The following SLC9A9 variants were observed in gnomAD, a reference collection of about 807,000 sequenced individuals.
SLC9A9 encodes solute carrier family 9 member A9.
SLC9A9 carries 62 observed loss-of-function variants against 77.8 expected under a neutral mutation model. The observed-to-expected ratio is 0.80, with a 90% confidence interval of 0.65 to 0.98. The LOEUF (loss-of-function observed/expected upper bound fraction) is 0.98. Ranked by LOEUF, SLC9A9 falls within the 50% of genes least tolerant of loss-of-function variation. SLC9A9 has a pLI of 0.00. For missense variants in SLC9A9, 775 were observed against 774.9 expected (o/e 1.00, Z 0.00); for synonymous variants, 320 against 283.5 (o/e 1.13, Z -1.29).
At chr3:143,439,104 G>C (rs2034677889) in intron 12 of SLC9A9, among the ~76,000 whole-genome samples, 2 of 152,190 alleles carry the variant, frequency 1.3e-5, no homozygotes, top group Admixed American at 6.5e-5. Context: ...AGCTTACTAA[G>C]AGTGACAGCC....
intron 4 of SLC9A9, among the ~76,000 whole-genome samples, chr3:143,755,894 T>C (rs1216003548): frequency 6.6e-6 from 1 of 152,140 alleles, no homozygotes; most frequent in Non-Finnish European, 1.5e-5. Flanking sequence ...AGAATTATGT[T>C]GGCAATCAAA....
chr3:143,582,880 C>G (rs1212833231), intron 6 of SLC9A9, among the ~76,000 whole-genome samples: 1 of 152,142 alleles, frequency 6.6e-6, no homozygotes, highest in Admixed American at 6.5e-5. Flanking sequence ...GGCAGGGTGG[C>G]TCGCTCCTGT....
chr3:143,583,958 G>A (rs941928548), intron 6 of SLC9A9, among the ~76,000 whole-genome samples: 3 of 152,122 alleles, frequency 2.0e-5, no homozygotes, highest in African/African-American at 7.2e-5. Flanking sequence ...ATAGTAAAGT[G>A]CTCAATAAAT....
chr3:143,724,417 C>G (rs182245654), intron 4 of SLC9A9, among the ~76,000 whole-genome samples: 19 of 152,310 alleles, frequency 1.2e-4, no homozygotes, highest in African/African-American at 4.3e-4. Flanking sequence ...TACCCAGTCT[C>G]AGGTAGTTCT....
intron 5 of SLC9A9, among the ~76,000 whole-genome samples, chr3:143,665,794 T>A (rs542350368): frequency 6.6e-6 from 1 of 152,232 alleles, no homozygotes; most frequent in East Asian, 1.9e-4. Context: ...AGAAGTTGAA[T>A]CCATGAATAG....
intron 6 of SLC9A9, among the ~76,000 whole-genome samples, chr3:143,580,932 A>C (rs1428814462): frequency 6.6e-6 from 1 of 152,264 alleles, no homozygotes; most frequent in East Asian, 1.9e-4. Flanking sequence ...AGTGGGAGGC[A>C]GGCAGGGAAG....
At chr3:143,562,206 A>C (rs913704402) in intron 8 of SLC9A9, among the ~76,000 whole-genome samples, 1 of 152,190 alleles carries the variant, frequency 6.6e-6, no homozygotes, top group African/African-American at 2.4e-5. Flanking sequence ...GATATATACA[A>C]AGACATCTAA....
Position 143,693,248 on chromosome 3 carries a change from T to G in SLC9A9, c.593A>C (p.Asp198Ala), listed in dbSNP as rs749434517. Reference sequence around the variant, plus strand: ...AAATAAACAGTCAGTGAAATGAAAGTCTCCATTTTTCAGCTGGCCAGCATG... The same window carrying G: ...AAATAAACAGTCAGTGAAATGAAAGGCTCCATTTTTCAGCTGGCCAGCATG... ...MIHAGQLKNG[D>A]FHFTDCLFFG... The change falls in exon 5 of 16, where the codon GAC becomes GCC. Residue 198 changes from aspartate to alanine, a missense_variant. Transcript: ENST00000316549. The G allele has an allele frequency of 6.2e-7, 1 of 1,613,188 alleles. No homozygotes were observed. Among genetic ancestry groups the G allele is most frequent in the Non-Finnish European group, 8.5e-7 (1 of 1,179,522 alleles).
intron 15 of SLC9A9, among the ~76,000 whole-genome samples, chr3:143,268,592 G>A (rs1307324205): frequency 2.6e-5 from 4 of 151,970 alleles, no homozygotes; most frequent in Non-Finnish European, 4.4e-5. Context: ...AATTAGCTGG[G>A]TGTGGTGGCA....
chr3:143,614,940 G>A (rs147989213), intron 6 of SLC9A9, among the ~76,000 whole-genome samples: 3 of 152,122 alleles, frequency 2.0e-5, no homozygotes, highest in African/African-American at 4.8e-5. Flanking sequence ...CCTTCAGAAT[G>A]CACTGGTCCT....
At chr3:143,507,195 A>G (rs760615257) in intron 9 of SLC9A9, among the ~76,000 whole-genome samples, 17 of 151,526 alleles carry the variant, frequency 1.1e-4, no homozygotes, top group Non-Finnish European at 2.4e-4. Flanking sequence ...CATTATTATT[A>G]TCATTATTAT....
At chr3:143,306,011 A>AT (rs1014387279) in intron 14 of SLC9A9, among the ~76,000 whole-genome samples, 4 of 151,986 alleles carry the variant, frequency 2.6e-5, no homozygotes, top group Non-Finnish European at 4.4e-5. Flanking sequence ...TGAACATTTG[A>AT]TTTTTTCCCC....
chr3:143,519,196 T>A (rs1321318394), intron 9 of SLC9A9, among the ~76,000 whole-genome samples: 3 of 152,106 alleles, frequency 2.0e-5, no homozygotes, highest in Admixed American at 6.5e-5. Flanking sequence ...TTACAAGAGC[T>A]AAGGTAGAAA....
At chr3:143,713,037 T>C (rs778039855) in intron 4 of SLC9A9, among the ~76,000 whole-genome samples, 4 of 152,138 alleles carry the variant, frequency 2.6e-5, no homozygotes. Context: ...AAACAGAAGA[T>C]GGTAAAGGCA....
intron 4 of SLC9A9, among the ~76,000 whole-genome samples, chr3:143,710,570 T>C (rs1934115258): frequency 6.6e-6 from 1 of 152,194 alleles, no homozygotes; most frequent in Non-Finnish European, 1.5e-5. Context: ...AATTATTCAG[T>C]CCAGAATCAC....
intron 13 of SLC9A9, among the ~76,000 whole-genome samples, chr3:143,374,045 G>A (rs1024338528): frequency 6.6e-6 from 1 of 151,980 alleles, no homozygotes; most frequent in Non-Finnish European, 1.5e-5. Context: ...AGAGATAAGA[G>A]AAAAATCTTT....
chr3:143,786,056 C>T (rs1415234083), intron 4 of SLC9A9, among the ~76,000 whole-genome samples: 2 of 151,562 alleles, frequency 1.3e-5, no homozygotes, highest in African/African-American at 4.8e-5. Flanking sequence ...GGGGTTTCAC[C>T]GTGTTAGCCA....
At chr3:143,438,731 C>A (rs1224740170) in intron 12 of SLC9A9, among the ~76,000 whole-genome samples, 2 of 152,248 alleles carry the variant, frequency 1.3e-5, no homozygotes, top group African/African-American at 4.8e-5. Flanking sequence ...CAAAGGAAAC[C>A]AAGTTTGGGG....
At chr3:143,414,627 A>T (rs1249651667) in intron 12 of SLC9A9, among the ~76,000 whole-genome samples, 2 of 152,230 alleles carry the variant, frequency 1.3e-5, no homozygotes, top group East Asian at 3.8e-4. Flanking sequence ...CCCATAAAAG[A>T]TAGCAAACTT....
Sources: gnomAD v4.1 joint callset for allele counts (sites outside exome capture counted in the v4.1 genomes callset) on GRCh38, gnomAD v4.1.1 for gene constraint, MANE v1.5 for transcripts, NCBI Gene and HGNC (gene_info 2026-07-23, HGNC 2026-07-21) for gene names.